NRXN3: variants seen among roughly 807,000 people sequenced by gnomAD.
NRXN3 encodes the protein neurexin 3.
A neutral mutation model predicts 137.6 loss-of-function variants in NRXN3; 32 were observed. That is an observed-to-expected ratio of 0.23 (90% confidence interval 0.18 to 0.31). NRXN3 has a LOEUF of 0.31. Among genes scored for constraint, NRXN3 ranks in the 10% least tolerant of loss-of-function variants. The pLI is 1.00. For synonymous variants in NRXN3, 798 were observed against 784.5 expected (o/e 1.02, Z -0.29); for missense variants, 1,574 against 2,062.5 (o/e 0.76, Z 4.59).
At chr14:79,444,942 C>T (rs2096033963) in intron 15 of NRXN3, among the ~76,000 whole-genome samples, 1 of 152,208 alleles carries the variant, frequency 6.6e-6, no homozygotes, top group Non-Finnish European at 1.5e-5. Context: ...TTTACCTGAA[C>T]TCCAAGTAGC....
chr14:78,780,237 G>C (rs1172000404), intron 8 of NRXN3, among the ~76,000 whole-genome samples: 1 of 151,882 alleles, frequency 6.6e-6, no homozygotes, highest in African/African-American at 2.4e-5. Flanking sequence ...TATGATGCTG[G>C]AATAATTTCT....
intron 15 of NRXN3, among the ~76,000 whole-genome samples, chr14:79,177,781 A>C (rs988822786): frequency 4.6e-5 from 7 of 152,240 alleles, no homozygotes; most frequent in Admixed American, 3.3e-4. Flanking sequence ...GAGAGAAAAT[A>C]GTACAGTTAG....
At chr14:78,908,916 C>T (rs993442175) in intron 10 of NRXN3, among the ~76,000 whole-genome samples, 2 of 152,056 alleles carry the variant, frequency 1.3e-5, no homozygotes, top group African/African-American at 4.8e-5. Flanking sequence ...AAGATGAAGC[C>T]TACTATGGCA....
In NRXN3 at chr14:78,268,479, G is replaced by T. The variant is rs554825403; in HGVS notation, c.710-10166G>T. Among the ~76,000 whole-genome samples, 19 of 152,262 alleles carry T rather than the reference G, an allele frequency of 1.2e-4. No individual in the cohort carries two copies. The South Asian group carries it at 3.5e-3, about 28-fold the overall frequency. On this transcript the variant is annotated intron_variant, in intron 2 of 20. Transcript: ENST00000335750. Reference sequence around the variant, plus strand: ...ACTCTAAAATACTTAATGACCATCAGTTCCTTCCATACTTTCCAGTGGTCT... The same window carrying T: ...ACTCTAAAATACTTAATGACCATCATTTCCTTCCATACTTTCCAGTGGTCT...
chr14:79,766,871 C>G (rs1410218303), intron 19 of NRXN3, among the ~76,000 whole-genome samples: 2 of 152,112 alleles, frequency 1.3e-5, no homozygotes, highest in Non-Finnish European at 1.5e-5. Flanking sequence ...CTACATGGTG[C>G]ATTTGGAATT....
intron 10 of NRXN3, among the ~76,000 whole-genome samples, chr14:78,918,563 C>T (rs189309920): frequency 1.2e-3 from 175 of 152,132 alleles, no homozygotes; most frequent in Admixed American, 2.4e-3. Flanking sequence ...GACTAAAGAG[C>T]GTAAAATGAA....
At chr14:79,659,195 T>C (rs2098520947) in intron 16 of NRXN3, among the ~76,000 whole-genome samples, 1 of 151,764 alleles carries the variant, frequency 6.6e-6, no homozygotes, top group Non-Finnish European at 1.5e-5. Context: ...CTGTTCAGTT[T>C]TTTTTTTTTC....
intron 15 of NRXN3, among the ~76,000 whole-genome samples, chr14:79,075,942 G>C (rs144586104): frequency 6.6e-6 from 1 of 152,176 alleles, no homozygotes; most frequent in Admixed American, 6.6e-5. Context: ...TGTTAGCTAA[G>C]ATGTGATCAA....
Position 78,432,300 on chromosome 14 carries a change from G to GTTT in NRXN3, c.757+134452_757+134454dup, listed in dbSNP as rs3037827. The stretch of plus-strand genomic sequence containing the variant: ...ACCCATCTTCCAAAGCTGCACTCAG[G>GTTT]TTTTTTTTTTTTTTGACATGTCTCA... On this transcript the variant is annotated intron_variant, in intron 4 of 20. Coordinates refer to ENST00000335750, the MANE Select transcript of NRXN3 (RefSeq NM_001330195.2). Among the ~76,000 whole-genome samples the GTTT allele has an allele frequency of 1.7e-3, 247 of 142,522 alleles. 2 individuals are homozygous for GTTT. The highest frequency in any genetic ancestry group is 5.4e-3 in the African/African-American group (209 of 38,848). The allele number at this position is 142,522 out of a possible 152,430, so 93.5% of individuals were successfully genotyped here. A position where few individuals can be genotyped will look rare whatever the true frequency, so the allele number is the denominator to read the frequency against.
At chr14:78,300,049 C>T (rs1445948614) in intron 4 of NRXN3, among the ~76,000 whole-genome samples, 1 of 152,200 alleles carries the variant, frequency 6.6e-6, no homozygotes, top group Non-Finnish European at 1.5e-5. Flanking sequence ...AAAACCGATA[C>T]TCTTCTTCTC....
chr14:79,554,044 G>A (rs562988202), intron 16 of NRXN3, among the ~76,000 whole-genome samples: 19 of 152,254 alleles, frequency 1.2e-4, no homozygotes, highest in African/African-American at 3.4e-4. Context: ...GTTGTAATGC[G>A]CATTGTCTAT....
At chr14:78,430,736 C>A (rs866992734) in intron 4 of NRXN3, among the ~76,000 whole-genome samples, 7 of 152,174 alleles carry the variant, frequency 4.6e-5, no homozygotes, top group African/African-American at 1.4e-4. Context: ...GTGGCAGAAA[C>A]AATTCTCTAC....
chr14:78,834,192 A>G (rs1175438375), intron 10 of NRXN3, among the ~76,000 whole-genome samples: 1 of 152,156 alleles, frequency 6.6e-6, no homozygotes, highest in East Asian at 1.9e-4. Context: ...TCTAGGAGCG[A>G]CAGGAAGCTT....
In NRXN3 at chr14:78,396,750, A is replaced by AT. The variant is rs534749781; in HGVS notation, c.757+98899dup. The stretch of plus-strand genomic sequence containing the variant: ...TCATTTTTCTCTGACTGTTTTCAAG[A>AT]TTTTTTTTTGGTCTTCAGTTTTGGA... On this transcript the variant is annotated intron_variant, in intron 4 of 20. Transcript: ENST00000335750. 4.0e-5 allele frequency among the ~76,000 whole-genome samples: 6 copies of AT among 151,334 alleles called. No individual in the cohort carries two copies. In the East Asian group the frequency reaches 5.8e-4, roughly 15 times the overall value.
At chr14:78,350,993 A>G (rs2083406514) in intron 4 of NRXN3, among the ~76,000 whole-genome samples, 1 of 152,192 alleles carries the variant, frequency 6.6e-6, no homozygotes, top group African/African-American at 2.4e-5. Flanking sequence ...AATTACAGGT[A>G]AAGTTTCTCC....
intron 20 of NRXN3, among the ~76,000 whole-genome samples, chr14:79,834,564 C>T (rs1044716086): frequency 5.9e-5 from 9 of 152,104 alleles, no homozygotes; most frequent in Admixed American, 1.3e-4. Context: ...AATGTAGCCA[C>T]GCATCTGTTC....
At chr14:78,717,550 G>A (rs989756115) in intron 8 of NRXN3, among the ~76,000 whole-genome samples, 4 of 151,632 alleles carry the variant, frequency 2.6e-5, no homozygotes, top group Non-Finnish European at 5.9e-5. Flanking sequence ...TCAGTGGAGT[G>A]TAAAAATTAT....
chr14:78,233,089 G>A (rs1424747632), intron 1 of NRXN3, among the ~76,000 whole-genome samples: 1 of 152,208 alleles, frequency 6.6e-6, no homozygotes, highest in African/African-American at 2.4e-5. Flanking sequence ...AAAAGAGACT[G>A]TTGCCATGAG....
At chr14:79,354,965 T>C (rs1266426749) in intron 15 of NRXN3, among the ~76,000 whole-genome samples, 1 of 152,178 alleles carries the variant, frequency 6.6e-6, no homozygotes, top group Non-Finnish European at 1.5e-5. Flanking sequence ...TAGATAATTG[T>C]TGTTGGTTTA....
Sources: allele counts gnomAD v4.1 joint callset (sites outside exome capture counted in the v4.1 genomes callset), GRCh38; gene constraint gnomAD v4.1.1; transcripts MANE v1.5; gene names NCBI Gene and HGNC (gene_info 2026-07-23, HGNC 2026-07-21).